Variants in PDXK observed in about 807,000 individuals in gnomAD.
PDXK encodes epididymis secretory sperm binding protein Li 1a.
PDXK carries 15 observed loss-of-function variants against 43.2 expected under a neutral mutation model. That is an observed-to-expected ratio of 0.35 (90% CI 0.23 to 0.53). The LOEUF is 0.53. Among genes scored for constraint, PDXK ranks in the 20% least tolerant of loss-of-function variants. The pLI, the probability that PDXK is intolerant of heterozygous loss-of-function variation, is 0.92. For missense variants in PDXK, 343 were observed against 417.0 expected, an observed-to-expected ratio of 0.82 and a Z score of 1.54; for synonymous variants, 172 against 165.4, an observed-to-expected ratio of 1.04 and a Z score of -0.31.
chr21:43,728,824 G>C (rs2147215470), intron 1 of PDXK: 2 of 985,638 alleles, frequency 2.0e-6, no homozygotes, highest in Non-Finnish European at 2.4e-6. Context: ...GGTCCAGCCG[G>C]ATGACTGATG....
At chr21:43,743,903 C>T (rs1357937407) in intron 4 of PDXK, 96 bp downstream of exon 4, 3 of 766,774 alleles carry the variant, frequency 3.9e-6, no homozygotes, top group South Asian at 1.5e-5. Flanking sequence ...CTCCTTCCTC[C>T]TCTGCACGCC....
chr21:43,740,903 CG>C (rs545708072), intron 2 of PDXK: 1 of 151,096 alleles, frequency 6.6e-6, no homozygotes, highest in East Asian at 2.0e-4. Context: ...TGACAGTGGC[CG>C]GTGGCCGAGC....
rs1039855379 is a variant in PDXK at position 43,737,769 on chromosome 21, C to T, written c.142+3646C>T. On this transcript the variant is annotated intron_variant, in intron 2 of 10. Transcript: ENST00000291565. The surrounding 1 kb of genome is among the most constrained non-coding windows in gnomAD (Gnocchi z 4.8). ...GCCAGGCCGGGCCAGACTCCCTGGC[C>T]GGCTGGGATCTGACAGGAGTGCCAG... The T allele has an allele frequency of 8.1e-6, 8 of 985,252 alleles. No individual in the cohort carries two copies. Among genetic ancestry groups the T allele is most frequent in the Admixed American group, 6.2e-5 (1 of 16,260 alleles). The allele number at this position is 985,252 out of a possible 1,614,324, so 61.0% of individuals were successfully genotyped here. A position where few individuals can be genotyped will look rare whatever the true frequency, so the allele number is the denominator to read the frequency against.
At position 43,754,128 on chromosome 21, in the gene PDXK, G is replaced by A. The variant is rs1009350240; in HGVS notation, c.759+409G>A. ...GCAGCATTTCCCACAGTGTGACCACGGCAGTGACCTGAGGGACGGAAAGGC... is the reference window on the plus strand; with the variant it reads ...GCAGCATTTCCCACAGTGTGACCACAGCAGTGACCTGAGGGACGGAAAGGC... On this transcript the variant is annotated intron_variant, in intron 9 of 10. Transcript: ENST00000291565. This position sits in a 1 kb window ranked among gnomAD's most constrained non-coding sequence, Gnocchi z 5.5. 2.0e-5 allele frequency among the ~76,000 whole-genome samples: 3 copies of A among 152,342 alleles called. No homozygotes were observed. The highest frequency in any genetic ancestry group is 1.9e-4 in the East Asian group (1 of 5,186).
At chr21:43,736,291 A>G (rs948876937) in intron 2 of PDXK, among the ~76,000 whole-genome samples, 1 of 151,898 alleles carries the variant, frequency 6.6e-6, no homozygotes, top group Non-Finnish European at 1.5e-5. Flanking sequence ...TGCTCCGGGC[A>G]CCCTTGTTCC....
chr21:43,744,429 C>T, intron 4 of PDXK: 1 of 158,952 alleles, frequency 6.3e-6, no homozygotes, highest in Non-Finnish European at 1.4e-5. Flanking sequence ...ACAGGCCTGG[C>T]CTAGCACATG....
chr21:43,725,607 C>T (rs1270905057), intron 1 of PDXK, among the ~76,000 whole-genome samples: 1 of 151,966 alleles, frequency 6.6e-6, no homozygotes, highest in Non-Finnish European at 1.5e-5. Context: ...GTCAGGAGTT[C>T]GAGACCAGCC....
intron 1 of PDXK, among the ~76,000 whole-genome samples, chr21:43,726,244 G>A (rs559465260): frequency 1.5e-4 from 23 of 151,540 alleles, no homozygotes; most frequent in African/African-American, 5.3e-4. Context: ...AGAACTTATC[G>A]GTCCCGTTTT....
Position 43,729,201 on chromosome 21 carries a change from C to T in PDXK, c.88-4868C>T, listed in dbSNP as rs532007112. Among the ~76,000 whole-genome samples the T allele has an allele frequency of 1.4e-3, 210 of 152,378 alleles. 2 individuals carry two copies. Among genetic ancestry groups the T allele is most frequent in the African/African-American group, 4.9e-3 (202 of 41,584 alleles). On this transcript the variant is annotated intron_variant, in intron 1 of 10. Coordinates refer to ENST00000291565, the MANE Select transcript of PDXK (RefSeq NM_003681.5). ...AGAGGCTGAGCAGGAGCTTGTCCTT[C>T]AGACTTCCCAGCGGAGACAGCCAGG...
chr21:43,739,179 G>A (rs986120320), intron 2 of PDXK, among the ~76,000 whole-genome samples: 2 of 151,970 alleles, frequency 1.3e-5, no homozygotes, highest in South Asian at 2.1e-4. Flanking sequence ...CACACACCAC[G>A]CCCAGCTAAT....
rs1220014346 is a variant in PDXK at position 43,737,395 on chromosome 21, C to T, written c.142+3272C>T. On this transcript the variant is annotated intron_variant, in intron 2 of 10. Transcript: ENST00000291565. The surrounding 1 kb of genome is among the most constrained non-coding windows in gnomAD (Gnocchi z 4.8). ...TCATTTTTCCACACCGTGAGCTGGG[C>T]TTGGCAGAGCCTCCACCTTGTGGCC... 9 of 1,170,822 alleles carry T rather than the reference C, an allele frequency of 7.7e-6. No homozygotes were observed. Among genetic ancestry groups the T allele is most frequent in the Non-Finnish European group, 9.6e-6 (9 of 941,858 alleles). 72.5% of individuals were successfully genotyped at this position (1,170,822 alleles called of 1,614,324 possible).
Position 43,719,260 on chromosome 21 carries a change from C to T in PDXK, c.-35C>T, listed in dbSNP as rs766015830. ...GAGCGAGCGGCGGAGACCGTGCCCC[C>T]GCCTCGGCCCCGCGCCGCCGCGGCC... On this transcript the variant is annotated 5_prime_UTR_variant, in exon 1 of 11. Transcript: ENST00000291565. 5.4e-6 allele frequency: 7 copies of T among 1,301,286 alleles called. No homozygotes were observed. The highest frequency in any genetic ancestry group is 7.0e-6 in the Non-Finnish European group (7 of 994,630). The allele number at this position is 1,301,286 out of a possible 1,614,324, so 80.6% of individuals were successfully genotyped here. A position where few individuals can be genotyped will look rare whatever the true frequency, so the allele number is the denominator to read the frequency against.
chr21:43,733,292 G>C (rs544323164), intron 1 of PDXK, among the ~76,000 whole-genome samples: 288 of 96,820 alleles, frequency 3.0e-3, no homozygotes, highest in Non-Finnish European at 4.3e-3. Flanking sequence ...AACAGCCGCT[G>C]TCCTGGTGTT....
rs148465906 is a variant in PDXK at position 43,740,849 on chromosome 21, T to C, written c.143-818T>C. Among the ~76,000 whole-genome samples, 37 of 151,106 alleles carry C rather than the reference T, an allele frequency of 2.4e-4. No homozygotes were observed. In the East Asian group the frequency reaches 7.2e-3, roughly 29 times the overall value. On this transcript the variant is annotated intron_variant, in intron 2 of 10. Coordinates refer to ENST00000291565, the MANE Select transcript of PDXK (RefSeq NM_003681.5). ...CTTAATAAGCTTGTTGGGGAGGAGT[T>C]GGGGGTGGGGACATAACAAGCCCTA...
chr21:43,755,786 G>A, intron 10 of PDXK, 22 bp downstream of exon 10: 1 of 1,603,302 alleles, frequency 6.2e-7, no homozygotes, highest in African/African-American at 1.3e-5. Context: ...GGGCTGCATG[G>A]GCTGCGTGGG....
At position 43,731,742 on chromosome 21, in the gene PDXK, G is replaced by T. The variant is rs567800366; in HGVS notation, c.88-2327G>T. ...GGCTCCCTTGTGGGTGGGGAAAGAT[G>T]AGGTGTATCAGGCAGGGTCCAGTCC... On this transcript the variant is annotated intron_variant, in intron 1 of 10. Coordinates refer to ENST00000291565, the MANE Select transcript of PDXK (RefSeq NM_003681.5). 2.0e-5 allele frequency among the ~76,000 whole-genome samples: 3 copies of T among 151,804 alleles called. No homozygotes were observed. In the East Asian group the frequency reaches 5.8e-4, roughly 29 times the overall value.
At chr21:43,727,310 C>T (rs367616735) in intron 1 of PDXK, among the ~76,000 whole-genome samples, 1 of 152,196 alleles carries the variant, frequency 6.6e-6, no homozygotes, top group Non-Finnish European at 1.5e-5. Context: ...AAGGAGTTGT[C>T]AAAGATGGGC....
rs2083389199 is a variant in PDXK, at chr21:43,735,670, G to C, written c.142+1547G>C. 2.0e-5 allele frequency among the ~76,000 whole-genome samples: 3 copies of C among 152,086 alleles called. No individual in the cohort carries two copies. Among genetic ancestry groups the C allele is most frequent in the African/African-American group, 7.2e-5 (3 of 41,418 alleles). The stretch of plus-strand genomic sequence containing the variant: ...CTCCTCCAGATGCCATGGGGGGCCT[G>C]CTGGTTTAGGACCCCTTAGCCAGCT... On this transcript the variant is annotated intron_variant, in intron 2 of 10. Coordinates refer to ENST00000291565, the MANE Select transcript of PDXK (RefSeq NM_003681.5). The surrounding 1 kb of genome is among the most constrained non-coding windows in gnomAD (Gnocchi z 5.3).
intron 2 of PDXK, among the ~76,000 whole-genome samples, chr21:43,736,117 T>C (rs1010704933): frequency 6.6e-6 from 1 of 152,188 alleles, no homozygotes; most frequent in African/African-American, 2.4e-5. Context: ...TTTGAGTTTT[T>C]TTGTTGTTGT....
Sources: gnomAD v4.1 joint callset for allele counts (sites outside exome capture counted in the v4.1 genomes callset) on GRCh38, gnomAD v4.1.1 for gene constraint, Gnocchi (gnomAD v3.1) non-coding constraint, MANE v1.5 for transcripts, NCBI Gene and HGNC (gene_info 2026-07-23, HGNC 2026-07-21) for gene names.